Variants in GRID2 observed in about 807,000 individuals in gnomAD.
The protein encoded by GRID2 is glutamate ionotropic receptor delta type subunit 2.
A neutral mutation model predicts 114.8 loss-of-function variants in GRID2; 33 were observed. That is an observed-to-expected ratio of 0.29 (90% CI 0.22 to 0.38). The LOEUF (loss-of-function observed/expected upper bound fraction) is 0.38. GRID2 is among the 10% of genes least tolerant of loss of function. GRID2 has a pLI of 1.00. For synonymous variants in GRID2, 505 were observed against 449.9 expected (o/e 1.12, Z -1.55); for missense variants, 1,184 against 1,257.7 (o/e 0.94, Z 0.89).
At chr4:93,154,515 T>C (rs993268854) in intron 4 of GRID2, among the ~76,000 whole-genome samples, 1 of 152,034 alleles carries the variant, frequency 6.6e-6, no homozygotes, top group African/African-American at 2.4e-5. Context: ...GGCTAAACCG[T>C]TAAACAATAT....
intron 2 of GRID2, among the ~76,000 whole-genome samples, chr4:92,610,810 A>G (rs1729684877): frequency 6.6e-6 from 1 of 151,680 alleles, no homozygotes; most frequent in African/African-American, 2.4e-5. Context: ...ATGGAATTAG[A>G]TAATACAAAA....
chr4:93,389,638 A>G lies in GRID2; in HGVS notation c.1246-5969A>G, dbSNP rs533361954. Among the ~76,000 whole-genome samples the G allele has an allele frequency of 9.3e-4, 142 of 152,322 alleles. 1 individual carries two copies. The highest frequency in any genetic ancestry group is 1.5e-3 in the Non-Finnish European group (105 of 68,018). On this transcript the variant is annotated intron_variant, in intron 8 of 15. Coordinates refer to ENST00000282020, the MANE Select transcript of GRID2 (RefSeq NM_001510.4). Reference sequence around the variant, plus strand: ...TCTGGCACATAGTTTATAGGTTCATATCATATTTATTATAAAAAATAGTTT... The same window carrying G: ...TCTGGCACATAGTTTATAGGTTCATGTCATATTTATTATAAAAAATAGTTT...
At chr4:93,318,376 G>T (rs1756899996) in intron 8 of GRID2, among the ~76,000 whole-genome samples, 1 of 151,924 alleles carries the variant, frequency 6.6e-6, no homozygotes. Flanking sequence ...TTGAAAATAG[G>T]TCACTTCCAA....
At chr4:92,846,834 G>A (rs1743362418) in intron 2 of GRID2, among the ~76,000 whole-genome samples, 1 of 152,044 alleles carries the variant, frequency 6.6e-6, no homozygotes, top group South Asian at 2.1e-4. Flanking sequence ...CATGTATTTA[G>A]TCATTACAGT....
chr4:92,954,047 A>C (rs1032228007), intron 2 of GRID2, among the ~76,000 whole-genome samples: 3 of 152,160 alleles, frequency 2.0e-5, no homozygotes, highest in Non-Finnish European at 4.4e-5. Context: ...CATTGGTTTA[A>C]CTGTGGCATG....
At chr4:93,603,134 CA>C in intron 13 of GRID2, among the ~76,000 whole-genome samples, 1 of 152,022 alleles carries the variant, frequency 6.6e-6, no homozygotes, top group East Asian at 1.9e-4. Context: ...CGCTTGAACT[CA>C]GGAGGCAGAG....
intron 2 of GRID2, among the ~76,000 whole-genome samples, chr4:92,625,658 T>C (rs1023000384): frequency 6.6e-6 from 1 of 151,794 alleles, no homozygotes; most frequent in East Asian, 1.9e-4. Context: ...AAATTGAAAA[T>C]AACAATATTA....
intron 8 of GRID2, among the ~76,000 whole-genome samples, chr4:93,296,308 C>T (rs1266027889): frequency 6.6e-6 from 1 of 151,876 alleles, no homozygotes. Flanking sequence ...CCCTCCCACC[C>T]CACAGATAAT....
intron 2 of GRID2, among the ~76,000 whole-genome samples, chr4:92,634,863 G>GAA (rs1222333694): frequency 1.5e-5 from 2 of 134,946 alleles, no homozygotes; most frequent in Admixed American, 7.6e-5. Flanking sequence ...GAGAGACAGA[G>GAA]AGAGAGAGAG....
At chr4:93,429,299 G>T (rs1052413382) in intron 10 of GRID2, among the ~76,000 whole-genome samples, 1 of 152,212 alleles carries the variant, frequency 6.6e-6, no homozygotes, top group African/African-American at 2.4e-5. Context: ...AAAATGGTAT[G>T]TATAGGTTTA....
chr4:92,522,743 G>C (rs775284842), intron 1 of GRID2, among the ~76,000 whole-genome samples: 21 of 151,938 alleles, frequency 1.4e-4, no homozygotes, highest in Admixed American at 5.3e-4. Context: ...TGGGAAAATT[G>C]AGAGGAAGGA....
At chr4:93,437,804 CT>C (rs948471794) in intron 10 of GRID2, among the ~76,000 whole-genome samples, 3 of 152,252 alleles carry the variant, frequency 2.0e-5, no homozygotes, top group Non-Finnish European at 4.4e-5. Context: ...TAAACTTGCA[CT>C]TTGTCCCATA....
chr4:93,298,136 G>C (rs1754508057), intron 8 of GRID2, among the ~76,000 whole-genome samples: 1 of 152,098 alleles, frequency 6.6e-6, no homozygotes, highest in South Asian at 2.1e-4. Context: ...AGTCTTCCCT[G>C]TTCAGCAAAC....
At chr4:92,410,205 T>A (rs1177037202) in intron 1 of GRID2, among the ~76,000 whole-genome samples, 1 of 152,162 alleles carries the variant, frequency 6.6e-6, no homozygotes, top group Non-Finnish European at 1.5e-5. Flanking sequence ...AACTTCTTTG[T>A]GTAGTGGGGC....
intron 5 of GRID2, among the ~76,000 whole-genome samples, chr4:93,215,522 A>G (rs1744103216): frequency 6.6e-6 from 1 of 152,034 alleles, no homozygotes; most frequent in Non-Finnish European, 1.5e-5. Flanking sequence ...GAAATGACAC[A>G]GACTAAAGGA....
chr4:92,889,163 G>A (rs1170994592), intron 2 of GRID2, among the ~76,000 whole-genome samples: 4 of 152,116 alleles, frequency 2.6e-5, no homozygotes, highest in Admixed American at 2.0e-4. Context: ...GTATTTAAGA[G>A]AAAGTAATTT....
chr4:92,964,434 T>C (rs1753008277), intron 2 of GRID2, among the ~76,000 whole-genome samples: 1 of 151,884 alleles, frequency 6.6e-6, no homozygotes. Flanking sequence ...CAAATGTACA[T>C]GGGGGTTAAA....
chr4:92,576,585 G>T (rs2149198129), intron 1 of GRID2, among the ~76,000 whole-genome samples: 1 of 152,272 alleles, frequency 6.6e-6, no homozygotes, highest in South Asian at 2.1e-4. Flanking sequence ...GGGTTCCTGG[G>T]GCTGGAGTAT....
intron 2 of GRID2, among the ~76,000 whole-genome samples, chr4:92,633,129 GCT>G (rs1176977239): frequency 6.6e-6 from 1 of 152,086 alleles, no homozygotes; most frequent in African/African-American, 2.4e-5. Flanking sequence ...AGGGCCATAA[GCT>G]CTTTCTGGTG....
Sources: gnomAD v4.1 joint callset for allele counts (sites outside exome capture counted in the v4.1 genomes callset) on GRCh38, gnomAD v4.1.1 for gene constraint, MANE v1.5 for transcripts, NCBI Gene and HGNC (gene_info 2026-07-23, HGNC 2026-07-21) for gene names.